RBM47: variants seen among roughly 807,000 people sequenced by gnomAD.
RBM47 encodes the protein RNA binding motif protein 47.
Under a neutral mutation model 47.1 loss-of-function variants are expected in RBM47, and 21 were observed. The ratio of observed to expected loss-of-function variants is 0.45; its 90% CI spans 0.32 to 0.64. The LOEUF (loss-of-function observed/expected upper bound fraction) is 0.64. Ranked by LOEUF, RBM47 falls within the 30% of genes least tolerant of loss-of-function variation. RBM47 has a pLI of 0.05. For synonymous variants in RBM47, 375 were observed against 361.7 expected, an observed-to-expected ratio of 1.04 and a Z score of -0.42; for missense variants, 708 against 870.9, an observed-to-expected ratio of 0.81 and a Z score of 2.35.
Position 40,546,604 on chromosome 4 carries a change from C to T in RBM47, c.-239-2098G>A, listed in dbSNP as rs548123668. ...GGCTATGCTAACTCCTGCAGTCCAG[C>T]TCAGTAATCATTTGTTCCAAAGTTC... On this transcript the variant is annotated intron_variant, in intron 1 of 6. Coordinates refer to ENST00000295971, the MANE Select transcript of RBM47 (RefSeq NM_001098634.2). Among the ~76,000 whole-genome samples the T allele has an allele frequency of 3.3e-5, 5 of 152,288 alleles. No homozygotes were observed. The East Asian group carries it at 9.6e-4, about 29-fold the overall frequency.
chr4:40,583,854 T>A (rs1357668029), intron 1 of RBM47, among the ~76,000 whole-genome samples: 1 of 71,520 alleles, frequency 1.4e-5, no homozygotes, highest in African/African-American at 6.1e-5. Flanking sequence ...CGAGACTCCG[T>A]CTCAAAAAAA....
chr4:40,508,383 T>A (rs1724417508), intron 2 of RBM47, among the ~76,000 whole-genome samples: 1 of 152,132 alleles, frequency 6.6e-6, no homozygotes, highest in South Asian at 2.1e-4. Flanking sequence ...AATATTTCCA[T>A]CCCACCTTAA....
intron 1 of RBM47, among the ~76,000 whole-genome samples, chr4:40,549,436 A>C (rs1454699767): frequency 6.6e-6 from 1 of 151,914 alleles, no homozygotes; most frequent in Non-Finnish European, 1.5e-5. Context: ...GTAAGTAAGG[A>C]TAATAATAGC....
At position 40,605,447 on chromosome 4, in the gene RBM47, A is replaced by G. The variant is rs201199886; in HGVS notation, c.-240+23949T>C. Among the ~76,000 whole-genome samples the G allele has an allele frequency of 1.6e-4, 24 of 152,350 alleles. No individual in the cohort carries two copies. In the East Asian group the frequency reaches 4.6e-3, roughly 29 times the overall value. ...ATTCTGTAAGCCCTGATTTCTCCATATGTATACCACACACTGCTGCTTTTA... is the reference window on the plus strand; with the variant it reads ...ATTCTGTAAGCCCTGATTTCTCCATGTGTATACCACACACTGCTGCTTTTA... On this transcript the variant is annotated intron_variant, in intron 1 of 6. Coordinates refer to ENST00000295971, the MANE Select transcript of RBM47 (RefSeq NM_001098634.2).
chr4:40,469,872 C>T lies in RBM47; in HGVS notation c.-154-3173G>A, dbSNP rs1202628842. ...CTGGTCTCTAACTCTTAACCTCAAG[C>T]GATCTGCTGGCCTCGGCCTCCCAAA... On this transcript the variant is annotated intron_variant, in intron 2 of 6. Transcript: ENST00000295971. Among the ~76,000 whole-genome samples the T allele has an allele frequency of 3.9e-5, 6 of 152,178 alleles. No homozygotes were observed. In the East Asian group the frequency reaches 9.7e-4, roughly 25 times the overall value.
intron 2 of RBM47, among the ~76,000 whole-genome samples, chr4:40,522,634 G>A (rs1435552996): frequency 3.9e-5 from 6 of 152,106 alleles, no homozygotes; most frequent in Non-Finnish European, 8.8e-5. Flanking sequence ...GCATATCTTT[G>A]TGAGGTTGAA....
intron 1 of RBM47, among the ~76,000 whole-genome samples, chr4:40,572,037 A>AG: frequency 6.7e-6 from 1 of 149,878 alleles, no homozygotes. Context: ...AGAAAAAAAA[A>AG]AAGAATTTAT....
chr4:40,469,643 GT>G (rs1289423565), intron 2 of RBM47, among the ~76,000 whole-genome samples: 3 of 150,300 alleles, frequency 2.0e-5, no homozygotes, highest in African/African-American at 7.3e-5. Flanking sequence ...AATAGATTGT[GT>G]TTGGAGTTAT....
rs543865942 is a variant in RBM47, at chr4:40,597,730, T to C, written c.-240+31666A>G. 2.0e-5 allele frequency among the ~76,000 whole-genome samples: 3 copies of C among 152,368 alleles called. No homozygotes were observed. In the East Asian group the frequency reaches 5.8e-4, roughly 29 times the overall value. ...TAAATGTGCCCAAGTTCATTACCAT[T>C]TTTTTGCAGAAATGATTATGTTAGT... On this transcript the variant is annotated intron_variant, in intron 1 of 6. Transcript: ENST00000295971.
intron 1 of RBM47, among the ~76,000 whole-genome samples, chr4:40,590,461 T>C (rs1456789742): frequency 2.0e-5 from 3 of 152,048 alleles, no homozygotes; most frequent in Middle Eastern, 3.4e-3. Context: ...CAAGCAAACA[T>C]CTTGGGGGCC....
At chr4:40,617,988 C>A (rs984237691) in intron 1 of RBM47, among the ~76,000 whole-genome samples, 1 of 152,092 alleles carries the variant, frequency 6.6e-6, no homozygotes, top group South Asian at 2.1e-4. Flanking sequence ...ACACCATAAT[C>A]CCAGTACTTT....
chr4:40,551,926 A>G (rs1303714984), intron 1 of RBM47, among the ~76,000 whole-genome samples: 1 of 152,126 alleles, frequency 6.6e-6, no homozygotes, highest in Non-Finnish European at 1.5e-5. Context: ...TGGGAATTAC[A>G]GGTATGAGTC....
chr4:40,431,519 A>T (rs62302021), intron 6 of RBM47, among the ~76,000 whole-genome samples: 1 of 151,990 alleles, frequency 6.6e-6, no homozygotes, highest in Non-Finnish European at 1.5e-5. Flanking sequence ...TTAGCCGGGC[A>T]TGGTGGCGTG....
intron 2 of RBM47, among the ~76,000 whole-genome samples, chr4:40,478,780 C>A (rs956424063): frequency 2.0e-5 from 3 of 152,152 alleles, no homozygotes; most frequent in Non-Finnish European, 4.4e-5. Flanking sequence ...ACCCCCATGC[C>A]CAGCCTACTT....
intron 2 of RBM47, among the ~76,000 whole-genome samples, chr4:40,534,026 G>C (rs1245544778): frequency 6.6e-6 from 1 of 151,824 alleles, no homozygotes; most frequent in Non-Finnish European, 1.5e-5. Flanking sequence ...TGTTGGTCAG[G>C]CTGGTCTCAA....
intron 2 of RBM47, among the ~76,000 whole-genome samples, chr4:40,481,475 TTATTATTA>T (rs1560406115): frequency 9.7e-5 from 13 of 134,592 alleles, no homozygotes; most frequent in African/African-American, 3.1e-4. Flanking sequence ...ATTATTATTA[TTATTATTA>T]TTATTTTTAT....
Position 40,437,116 on chromosome 4 carries a change from AC to A in RBM47, c.1124-470del, listed in dbSNP as rs1182511765. Among the ~76,000 whole-genome samples the A allele has an allele frequency of 1.4e-4, 10 of 71,206 alleles. 1 individual carries two copies. Among genetic ancestry groups the A allele is most frequent in the African/African-American group, 2.6e-4 (3 of 11,684 alleles). 46.7% of individuals were successfully genotyped at this position (71,206 alleles called of 152,430 possible). On this transcript the variant is annotated intron_variant, in intron 4 of 6. Coordinates refer to ENST00000295971, the MANE Select transcript of RBM47 (RefSeq NM_001098634.2). ...ATATATATATATATATATATAAAAT[AC>A]ATATATATATATATAAAATACATAT... is the stretch of plus-strand genomic sequence containing the variant.
chr4:40,564,960 AG>A (rs1467341699), intron 1 of RBM47, among the ~76,000 whole-genome samples: 1 of 152,226 alleles, frequency 6.6e-6, no homozygotes, highest in East Asian at 1.9e-4. Context: ...CTGAAGGCCT[AG>A]AAGGAGGGCT....
intron 2 of RBM47, among the ~76,000 whole-genome samples, chr4:40,513,219 G>C (rs1234089917): frequency 1.3e-5 from 2 of 152,102 alleles, no homozygotes; most frequent in African/African-American, 4.8e-5. Flanking sequence ...CTTCTCAGAA[G>C]AAAAAACCCT....
Sources: allele counts gnomAD v4.1 joint callset (sites outside exome capture counted in the v4.1 genomes callset), GRCh38; gene constraint gnomAD v4.1.1; transcripts MANE v1.5; gene names NCBI Gene and HGNC (gene_info 2026-07-23, HGNC 2026-07-21).